The following LRRC7 variants were observed in gnomAD, a reference collection of about 807,000 sequenced individuals.
LRRC7 encodes leucine-rich repeat-containing protein 7.
In LRRC7, 23 loss-of-function variants were observed where a neutral mutation model predicts 175.7. The ratio of observed to expected loss-of-function variants is 0.13; its 90% CI spans 0.09 to 0.19. The LOEUF (loss-of-function observed/expected upper bound fraction) is 0.19. LRRC7 is among the 10% of genes least tolerant of loss of function. The probability of loss-of-function intolerance (pLI) is 1.00; values close to 1 mark genes in which losing one functional copy is unlikely to be tolerated. For synonymous variants in LRRC7, 685 were observed against 680.9 expected (o/e 1.01, Z -0.09); for missense variants, 1,354 against 1,904.7 (o/e 0.71, Z 5.38).
intron 7 of LRRC7, among the ~76,000 whole-genome samples, chr1:69,879,226 A>AC (rs200576177): frequency 0.041 from 5,973 of 144,130 alleles, 231 homozygotes; most frequent in East Asian, 0.13. Flanking sequence ...AAAAAAAAAA[A>AC]AAAAAAAAAA....
At chr1:69,905,335 C>A (rs1211315597) in intron 7 of LRRC7, among the ~76,000 whole-genome samples, 1 of 151,342 alleles carries the variant, frequency 6.6e-6, no homozygotes, top group Admixed American at 6.6e-5. Flanking sequence ...TATACATGTG[C>A]CATGTTGGTG....
At chr1:70,027,054 G>A (rs897995302) in intron 17 of LRRC7, among the ~76,000 whole-genome samples, 6 of 151,600 alleles carry the variant, frequency 4.0e-5, no homozygotes, top group African/African-American at 1.5e-4. Flanking sequence ...TCCCTTTTCC[G>A]ATCTTCCTCT....
intron 7 of LRRC7, among the ~76,000 whole-genome samples, chr1:69,896,951 G>A (rs1357382995): frequency 6.6e-6 from 1 of 151,962 alleles, no homozygotes; most frequent in Non-Finnish European, 1.5e-5. Context: ...TTCTCCTATT[G>A]TCTACAAATT....
intron 2 of LRRC7, among the ~76,000 whole-genome samples, chr1:69,706,309 G>A (rs894306766): frequency 6.6e-6 from 1 of 152,146 alleles, no homozygotes; most frequent in Non-Finnish European, 1.5e-5. Context: ...GCATGGATAA[G>A]AGGAATTTTG....
Position 70,123,485 on chromosome 1 carries a change from A to T in LRRC7, c.*1598A>T. The T allele has an allele frequency of 6.6e-6, 1 of 152,184 alleles. No individual in the cohort carries two copies. The highest frequency in any genetic ancestry group is 1.9e-4 in the East Asian group (1 of 5,202). 9.4% of individuals were successfully genotyped at this position (152,184 alleles called of 1,614,324 possible). On this transcript the variant is annotated 3_prime_UTR_variant, in exon 27 of 27. Coordinates refer to ENST00000651989, the MANE Select transcript of LRRC7 (RefSeq NM_001370785.2). ...TCTATTAAAATGAGTGTCACTTATT[A>T]GAAGTACAGTGGTATTTTTTGGCAA...
At chr1:69,613,357 A>AT (rs1649106323) in intron 1 of LRRC7, among the ~76,000 whole-genome samples, 2 of 152,046 alleles carry the variant, frequency 1.3e-5, no homozygotes, top group Non-Finnish European at 2.9e-5. Context: ...CTATGACCTA[A>AT]TTACCTACTT....
chr1:69,646,744 T>C (rs1379765639), intron 1 of LRRC7, among the ~76,000 whole-genome samples: 1 of 152,174 alleles, frequency 6.6e-6, no homozygotes, highest in Non-Finnish European at 1.5e-5. Flanking sequence ...TTAAAACCAG[T>C]GCAGCCGAAC....
rs1477351401 is a variant in LRRC7 at position 70,142,431 on chromosome 1, G to A, written c.*20544G>A. 3 of 152,060 alleles carry A rather than the reference G, an allele frequency of 2.0e-5. No homozygotes were observed. The highest frequency in any genetic ancestry group is 2.9e-5 in the Non-Finnish European group (2 of 67,964). 9.4% of individuals were successfully genotyped at this position (152,060 alleles called of 1,614,324 possible). A position where few individuals can be genotyped will look rare whatever the true frequency, so the allele number is the denominator to read the frequency against. On this transcript the variant is annotated 3_prime_UTR_variant, in exon 27 of 27. Transcript: ENST00000651989. ...CCTTGAAAACACAAGCCTATTTTCT[G>A]TTTGAAATGAAGAGAAAGGTAATTG...
chr1:70,118,951 G>A (rs1666039586), intron 26 of LRRC7, among the ~76,000 whole-genome samples: 1 of 151,410 alleles, frequency 6.6e-6, no homozygotes, highest in African/African-American at 2.4e-5. Context: ...CTAACACCTT[G>A]TTTAAAAAAA....
intron 2 of LRRC7, among the ~76,000 whole-genome samples, chr1:69,738,099 T>G (rs1036598690): frequency 6.6e-6 from 1 of 152,076 alleles, no homozygotes; most frequent in Non-Finnish European, 1.5e-5. Context: ...AGATCGGTTT[T>G]AGTGTCAAAT....
intron 11 of LRRC7, among the ~76,000 whole-genome samples, chr1:69,998,668 T>G (rs1655247223): frequency 6.6e-6 from 1 of 152,200 alleles, no homozygotes; most frequent in Non-Finnish European, 1.5e-5. Flanking sequence ...ATTTGCCTCT[T>G]ATGTTCATAT....
chr1:69,587,321 T>G (rs77994034), intron 1 of LRRC7, among the ~76,000 whole-genome samples: 4 of 152,322 alleles, frequency 2.6e-5, no homozygotes, highest in African/African-American at 9.6e-5. Context: ...GTTCCCCAGT[T>G]CAGGACTCTT....
intron 7 of LRRC7, among the ~76,000 whole-genome samples, chr1:69,865,257 G>T (rs1193430148): frequency 6.6e-6 from 1 of 151,958 alleles, no homozygotes. Context: ...TACGACATCT[G>T]CACAACATGC....
chr1:69,683,132 T>G (rs1373297979), intron 2 of LRRC7, among the ~76,000 whole-genome samples: 1 of 152,154 alleles, frequency 6.6e-6, no homozygotes, highest in East Asian at 1.9e-4. Flanking sequence ...CCTCCAGTGT[T>G]TTCTGTCTGA....
intron 7 of LRRC7, among the ~76,000 whole-genome samples, chr1:69,847,197 T>C (rs1682463140): frequency 6.6e-6 from 1 of 152,254 alleles, no homozygotes; most frequent in East Asian, 1.9e-4. Context: ...TCTTCATGTA[T>C]CTTATAAATT....
intron 22 of LRRC7, among the ~76,000 whole-genome samples, chr1:70,046,351 CAG>C (rs1356888073): frequency 6.6e-6 from 1 of 151,992 alleles, no homozygotes; most frequent in Non-Finnish European, 1.5e-5. Flanking sequence ...AGAAATAATA[CAG>C]AGTTATATTT....
intron 7 of LRRC7, among the ~76,000 whole-genome samples, chr1:69,878,032 A>C (rs1214639322): frequency 6.6e-6 from 1 of 152,178 alleles, no homozygotes; most frequent in Admixed American, 6.5e-5. Context: ...CAGCTGGAGT[A>C]GAAGAATCAG....
At chr1:69,679,440 G>A (rs754935970) in intron 2 of LRRC7, among the ~76,000 whole-genome samples, 11 of 152,060 alleles carry the variant, frequency 7.2e-5, no homozygotes, top group Non-Finnish European at 1.2e-4. Flanking sequence ...CATGGCAAAT[G>A]AATTGTTCTT....
chr1:70,006,353 T>C (rs1655990081), intron 11 of LRRC7, among the ~76,000 whole-genome samples: 1 of 151,848 alleles, frequency 6.6e-6, no homozygotes, highest in African/African-American at 2.4e-5. Context: ...GCGCCTGTAT[T>C]CCCAGCTACT....
Sources: gnomAD v4.1 joint callset for allele counts (sites outside exome capture counted in the v4.1 genomes callset) on GRCh38, gnomAD v4.1.1 for gene constraint, MANE v1.5 for transcripts, NCBI Gene and HGNC (gene_info 2026-07-23, HGNC 2026-07-21) for gene names.